ARHGAP15: variants seen among roughly 807,000 people sequenced by gnomAD.
The protein encoded by ARHGAP15 is rho GTPase-activating protein 15.
A neutral mutation model predicts 63.7 loss-of-function variants in ARHGAP15; 51 were observed. That is an observed-to-expected ratio of 0.80 (90% CI 0.64 to 1.01). The LOEUF (loss-of-function observed/expected upper bound fraction) is 1.01. Ranked by LOEUF, ARHGAP15 falls within the 50% of genes least tolerant of loss-of-function variation. The pLI, the probability that ARHGAP15 is intolerant of heterozygous loss-of-function variation, is 0.00. For synonymous variants in ARHGAP15, 191 were observed against 193.8 expected (o/e 0.99, Z 0.12); for missense variants, 560 against 564.6 (o/e 0.99, Z 0.08).
chr2:143,135,635 A>G (rs1189766819), intron 1 of ARHGAP15, among the ~76,000 whole-genome samples: 1 of 152,186 alleles, frequency 6.6e-6, no homozygotes, highest in Non-Finnish European at 1.5e-5. Context: ...GTATCTTTAT[A>G]TTATTCACTG....
intron 6 of ARHGAP15, among the ~76,000 whole-genome samples, chr2:143,389,027 A>G (rs1404981987): frequency 6.6e-6 from 1 of 151,620 alleles, no homozygotes; most frequent in African/African-American, 2.4e-5. Context: ...TAGACTGTGA[A>G]ATTGTCTCAT....
At position 143,413,231 on chromosome 2, in the gene ARHGAP15, G is replaced by A. The variant is rs554536433; in HGVS notation, c.475-22370G>A. The stretch of plus-strand genomic sequence containing the variant: ...ATGTGTTTCTTTTCCATTTTTTGCA[G>A]GCCCTTTAGGTTAGGAGCAGATCAC... On this transcript the variant is annotated intron_variant, in intron 6 of 13. Coordinates refer to ENST00000295095, the MANE Select transcript of ARHGAP15 (RefSeq NM_018460.4). Among the ~76,000 whole-genome samples, 3 of 152,104 alleles carry A rather than the reference G, an allele frequency of 2.0e-5. No homozygotes were observed. The South Asian group carries it at 6.2e-4, about 32-fold the overall frequency.
intron 6 of ARHGAP15, among the ~76,000 whole-genome samples, chr2:143,333,941 G>A (rs955883589): frequency 6.6e-6 from 1 of 152,098 alleles, no homozygotes; most frequent in Non-Finnish European, 1.5e-5. Context: ...CTTGCAAGAG[G>A]GAAAGAACAA....
intron 12 of ARHGAP15, among the ~76,000 whole-genome samples, chr2:143,680,021 T>TAAAAAAAAAAAA (rs55927433): frequency 1.5e-4 from 15 of 101,626 alleles, no homozygotes; most frequent in African/African-American, 5.8e-4. Flanking sequence ...AGTAAATGAT[T>TAAAAAAAAAAAA]AAAAAAAAAA....
At chr2:143,664,268 C>G (rs975641585) in intron 12 of ARHGAP15, among the ~76,000 whole-genome samples, 2 of 152,066 alleles carry the variant, frequency 1.3e-5, no homozygotes, top group African/African-American at 4.8e-5. Flanking sequence ...GAATCTCACT[C>G]AAAACCGCTC....
At chr2:143,135,864 G>T (rs1409954667) in intron 1 of ARHGAP15, among the ~76,000 whole-genome samples, 2 of 151,992 alleles carry the variant, frequency 1.3e-5, no homozygotes, top group East Asian at 1.9e-4. Context: ...TTATTCCTTT[G>T]CGGTTTTATT....
chr2:143,704,901 T>C (rs1684256242), intron 13 of ARHGAP15, among the ~76,000 whole-genome samples: 1 of 152,172 alleles, frequency 6.6e-6, no homozygotes, highest in Non-Finnish European at 1.5e-5. Context: ...TGCATTTACA[T>C]TTAAAAACTG....
intron 6 of ARHGAP15, among the ~76,000 whole-genome samples, chr2:143,432,813 G>A (rs575615764): frequency 2.0e-5 from 3 of 151,994 alleles, no homozygotes; most frequent in South Asian, 4.2e-4. Context: ...TTCAAAATAC[G>A]ACCTGGTGTG....
intron 11 of ARHGAP15, among the ~76,000 whole-genome samples, chr2:143,592,013 T>G (rs1697341206): frequency 6.6e-6 from 1 of 152,140 alleles, no homozygotes; most frequent in African/African-American, 2.4e-5. Flanking sequence ...AGCACTATAG[T>G]CCATATCTCT....
chr2:143,480,118 A>G (rs1358336287), intron 8 of ARHGAP15, among the ~76,000 whole-genome samples: 1 of 152,206 alleles, frequency 6.6e-6, no homozygotes, highest in Non-Finnish European at 1.5e-5. Context: ...CAATGTAGAT[A>G]CACCTAAGAT....
At chr2:143,509,860 A>C (rs1422728510) in intron 9 of ARHGAP15, among the ~76,000 whole-genome samples, 1 of 151,956 alleles carries the variant, frequency 6.6e-6, no homozygotes, top group Non-Finnish European at 1.5e-5. Flanking sequence ...ATCTCAACTA[A>C]AAATACAAAA....
chr2:143,308,120 T>A (rs1020168827), intron 6 of ARHGAP15, among the ~76,000 whole-genome samples: 1 of 152,096 alleles, frequency 6.6e-6, no homozygotes, highest in Non-Finnish European at 1.5e-5. Context: ...AGGTCTTTGG[T>A]ATAGCTGTGA....
chr2:143,647,316 A>G (rs1680927300), intron 12 of ARHGAP15, among the ~76,000 whole-genome samples: 1 of 151,530 alleles, frequency 6.6e-6, no homozygotes, highest in African/African-American at 2.4e-5. Context: ...TTATTTTGAA[A>G]GCAATCAATT....
chr2:143,212,763 C>A (rs1692609098), intron 3 of ARHGAP15, among the ~76,000 whole-genome samples: 1 of 152,156 alleles, frequency 6.6e-6, no homozygotes, highest in Non-Finnish European at 1.5e-5. Flanking sequence ...GCATAGCAAT[C>A]TTTTGCTTGC....
At chr2:143,403,905 A>T (rs987069249) in intron 6 of ARHGAP15, among the ~76,000 whole-genome samples, 6 of 147,316 alleles carry the variant, frequency 4.1e-5, no homozygotes, top group African/African-American at 1.5e-4. Flanking sequence ...CGGGAGCTGC[A>T]CACTTGGTAC....
In ARHGAP15 at chr2:143,160,793, T is replaced by A. The variant is rs1224732705; in HGVS notation, c.165+5138T>A. 2.6e-5 allele frequency among the ~76,000 whole-genome samples: 4 copies of A among 152,058 alleles called. No individual in the cohort carries two copies. The East Asian group carries it at 7.8e-4, about 30-fold the overall frequency. On this transcript the variant is annotated intron_variant, in intron 2 of 13. Transcript: ENST00000295095. The stretch of plus-strand genomic sequence containing the variant: ...CATGCCACCCTTTGCCATCTCATGC[T>A]GTGAAAATCTTTAACTCTATTTACC...
intron 1 of ARHGAP15, among the ~76,000 whole-genome samples, chr2:143,153,150 T>C (rs1689897904): frequency 6.6e-6 from 1 of 151,904 alleles, no homozygotes; most frequent in African/African-American, 2.4e-5. Context: ...CAACATGTCC[T>C]ATAAATGGTG....
intron 6 of ARHGAP15, among the ~76,000 whole-genome samples, chr2:143,338,512 T>G (rs1186000529): frequency 6.6e-6 from 1 of 152,042 alleles, no homozygotes; most frequent in Non-Finnish European, 1.5e-5. Context: ...CTCCAACAAA[T>G]AGAATCAGGA....
intron 11 of ARHGAP15, among the ~76,000 whole-genome samples, chr2:143,580,392 C>T (rs948475690): frequency 1.9e-4 from 29 of 152,242 alleles, no homozygotes; most frequent in African/African-American, 4.3e-4. Flanking sequence ...TTCCAGCCCA[C>T]GCCCAACACG....
Sources: allele counts gnomAD v4.1 joint callset (sites outside exome capture counted in the v4.1 genomes callset), GRCh38; gene constraint gnomAD v4.1.1; transcripts MANE v1.5; gene names NCBI Gene and HGNC (gene_info 2026-07-23, HGNC 2026-07-21).